CUL4B: variants seen among roughly 807,000 people sequenced by gnomAD.
CUL4B encodes the protein cullin 4B, also known as cullin-4B.
Under a neutral mutation model 69.2 loss-of-function variants are expected in CUL4B, and 1 was observed. The observed-to-expected ratio is 0.01, with a 90% CI of 0.01 to 0.07. The LOEUF (loss-of-function observed/expected upper bound fraction) is 0.07, where lower values mean the gene tolerates loss of function less well. Among genes scored for constraint, CUL4B ranks in the 10% least tolerant of loss-of-function variants. CUL4B has a pLI of 1.00. For missense variants in CUL4B, 328 were observed against 638.8 expected, an observed-to-expected ratio of 0.51 and a Z score of 5.24; for synonymous variants, 237 against 223.2, an observed-to-expected ratio of 1.06 and a Z score of -0.55.
downstream of CUL4B, among the ~76,000 whole-genome samples, chrX:120,569,361 CT>C (rs1172319824): frequency 2.1e-3 from 204 of 96,123 alleles, 1 homozygote; most frequent in East Asian, 0.022. Context: ...AGGGAAGTTT[CT>C]TTTTTTTTTT....
intron 5 of CUL4B, 28 bp from the exon 6 acceptor site, chrX:120,544,671 A>C: frequency 8.7e-7 from 1 of 1,144,263 alleles, no homozygotes; most frequent in Non-Finnish European, 1.2e-6. Flanking sequence ...TATAACCTAA[A>C]TTAATTGACA....
intron 2 of CUL4B, among the ~76,000 whole-genome samples, 175 bp downstream of exon 2, chrX:120,557,749 C>A (rs1431453633): frequency 9.0e-6 from 1 of 111,497 alleles, no homozygotes; most frequent in African/African-American, 3.3e-5. Flanking sequence ...TATGACTGTA[C>A]CCATGGTTTA....
chrX:120,561,718 A>G (rs758487912), upstream of CUL4B, among the ~76,000 whole-genome samples: 3 of 110,061 alleles, frequency 2.7e-5, no homozygotes, highest in South Asian at 3.9e-4. Flanking sequence ...AAACTTTGAA[A>G]GAGATGAAAG....
chrX:120,539,673 C>T (rs1051508735), intron 11 of CUL4B, among the ~76,000 whole-genome samples: 9 of 111,438 alleles, frequency 8.1e-5, no homozygotes, highest in Non-Finnish European at 3.8e-5. Flanking sequence ...CTCATGTAGC[C>T]CTGTGAGGGC....
In CUL4B at chrX:120,560,302, C is replaced by T; in HGVS notation, c.337G>A (p.Asp113Asn). 8.3e-7 allele frequency: 1 copy of T among 1,211,483 alleles called. No individual in the cohort carries two copies. Among genetic ancestry groups the T allele is most frequent in the Non-Finnish European group, 1.1e-6 (1 of 895,463 alleles). The change falls in exon 1 of 20, where the codon GAT (aspartate) becomes AAT (asparagine). Residue 113 changes from aspartate (D) to asparagine (N), a missense_variant. By Grantham distance (23) the Asp-to-Asn change is conservative. Coordinates refer to ENST00000371322, the MANE Select transcript of CUL4B (RefSeq NM_001079872.2). ...GAGGATTCCTCAGCCATCTTCGCAT[C>T]AAACCCTACAAACTCCAGGGTGTCT... ...FEDTLEFVGF[D>N]AKMAEESSSS...
intron 2 of CUL4B, among the ~76,000 whole-genome samples, chrX:120,556,336 GA>G (rs1426271022): frequency 8.9e-6 from 1 of 111,835 alleles, no homozygotes; most frequent in Non-Finnish European, 1.9e-5. Flanking sequence ...CACAGCAACA[GA>G]AACTGGTGAT....
intron 11 of CUL4B, 45 bp downstream of exon 11, chrX:120,540,325 C>A: frequency 2.7e-6 from 3 of 1,119,092 alleles, no homozygotes; most frequent in Non-Finnish European, 3.7e-6. Context: ...TTTTATGACT[C>A]AAAGAACATC....
At chrX:120,536,410 C>T (rs1028706937) in intron 15 of CUL4B, among the ~76,000 whole-genome samples, 1 of 112,393 alleles carries the variant, frequency 8.9e-6, no homozygotes, top group Non-Finnish European at 1.9e-5. Flanking sequence ...GCCTTAATCC[C>T]TTTTATGGGC....
chrX:120,526,034 T>C lies in CUL4B; in HGVS notation c.*727A>G, dbSNP rs148314701. 1.7e-3 allele frequency: 195 copies of C among 112,115 alleles called. No individual in the cohort carries two copies. The highest frequency in any genetic ancestry group is 6.0e-3 in the African/African-American group (185 of 30,843). The allele number at this position is 112,115 out of a possible 1,213,427, so 9.2% of individuals were successfully genotyped here. The stretch of plus-strand genomic sequence containing the variant: ...GATCATTAATTTTCTACTTTAGCTA[T>C]TTTTATAAGTACTTGTTAATCAGCA... On this transcript the variant is annotated 3_prime_UTR_variant, in exon 20 of 20. Coordinates refer to ENST00000371322, the MANE Select transcript of CUL4B (RefSeq NM_001079872.2).
At chrX:120,556,912 TA>T (rs59022882) in intron 2 of CUL4B, among the ~76,000 whole-genome samples, 30,798 of 89,097 alleles carry the variant, frequency 0.35, 3,505 homozygotes, top group East Asian at 0.4. Context: ...AGTATATATA[TA>T]TTTTTTTTTT....
At chrX:120,541,373 C>T in intron 10 of CUL4B, among the ~76,000 whole-genome samples, 1 of 111,186 alleles carries the variant, frequency 9.0e-6, no homozygotes, top group Non-Finnish European at 1.9e-5. Context: ...GTGGTGCATG[C>T]CTGTAATCCT....
chrX:120,569,090 A>T (rs761391848), downstream of CUL4B, among the ~76,000 whole-genome samples: 1 of 112,152 alleles, frequency 8.9e-6, no homozygotes, highest in East Asian at 2.8e-4. Flanking sequence ...ATGCACATTT[A>T]AGGATATGGT....
At chrX:120,574,941 A>G (rs1397549857) in intron 1 of CUL4B, among the ~76,000 whole-genome samples, 1 of 111,987 alleles carries the variant, frequency 8.9e-6, no homozygotes, top group Admixed American at 9.5e-5. Flanking sequence ...TTGAACTCCT[A>G]CGGGCTTGAA....
chrX:120,543,533 C>A (rs1361101176), intron 8 of CUL4B, among the ~76,000 whole-genome samples, 194 bp downstream of exon 8: 1 of 99,898 alleles, frequency 1.0e-5, no homozygotes, highest in South Asian at 4.4e-4. Context: ...CACACACACA[C>A]CCCTAATAAT....
chrX:120,528,059 G>GC (rs1923089053), intron 19 of CUL4B, among the ~76,000 whole-genome samples: 1 of 111,971 alleles, frequency 8.9e-6, no homozygotes, highest in Admixed American at 9.5e-5. Context: ...TTTACTTTGG[G>GC]CAAGAGTTAG....
Position 120,535,867 on chromosome X carries a change from G to A in CUL4B, c.2123C>T (p.Thr708Ile). Residue 708 changes from threonine (T) to isoleucine (I), a missense_variant, in exon 16 of 20, where the codon ACC becomes ATC. Physicochemically the swap from Thr to Ile is moderately conservative, Grantham distance 89 (BLOSUM62 -1). This residue lies in a region of CUL4B where 98 missense variants were observed against 296.8 expected (regional missense o/e 0.33). Coordinates refer to ENST00000371322, the MANE Select transcript of CUL4B (RefSeq NM_001079872.2). Reference sequence around the variant, plus strand: ...TGCTTTTAACACACAGTGTCCTAGGGTTGACTGCCACTGAAGTTTCCTGCC... The same window carrying A: ...TGCTTTTAACACACAGTGTCCTAGGATTGACTGCCACTGAAGTTTCCTGCC... The part of the protein sequence containing the change: ...HSGRKLQWQS[T>I]LGHCVLKAEF... The A allele has an allele frequency of 1.7e-6, 2 of 1,207,315 alleles. No individual in the cohort carries two copies. Among genetic ancestry groups the A allele is most frequent in the South Asian group, 1.8e-5 (1 of 56,906 alleles).
intron 12 of CUL4B, 66 bp downstream of exon 12, chrX:120,539,202 A>T (rs1428090488): frequency 1.7e-6 from 1 of 604,062 alleles, no homozygotes; most frequent in Non-Finnish European, 2.6e-6. Flanking sequence ...GTTTGAATAT[A>T]CTTGCTAGCT....
chrX:120,538,528 C>T, intron 13 of CUL4B, 132 bp downstream of exon 13: 2 of 511,463 alleles, frequency 3.9e-6, no homozygotes, highest in South Asian at 5.8e-5. Flanking sequence ...ACCTCAGGAG[C>T]TTGCTCAATT....
Position 120,560,784 on chromosome X carries a change from G to C in CUL4B, c.-146C>G, listed in dbSNP as rs1251021121. On this transcript the variant is annotated 5_prime_UTR_variant, in exon 1 of 20. Coordinates refer to ENST00000371322, the MANE Select transcript of CUL4B (RefSeq NM_001079872.2). ...ACAGAGGACGAGAAGGAAAGTGAAGGGGGGGGCTACACCGGGGGAATGGGA... is the reference window on the plus strand; with the variant it reads ...ACAGAGGACGAGAAGGAAAGTGAAGCGGGGGGCTACACCGGGGGAATGGGA... 1.5e-4 allele frequency: 100 copies of C among 667,136 alleles called. 1 individual carries two copies. Among genetic ancestry groups the C allele is most frequent in the South Asian group, 5.2e-4 (15 of 28,912 alleles). 55.0% of individuals were successfully genotyped at this position (667,136 alleles called of 1,213,427 possible).
Sources: gnomAD v4.1 joint callset for allele counts (sites outside exome capture counted in the v4.1 genomes callset) on GRCh38, gnomAD v4.1.1 for gene constraint, gnomAD v4.1.1 regional missense constraint, MANE v1.5 for transcripts, NCBI Gene and HGNC (gene_info 2026-07-23, HGNC 2026-07-21) for gene names.